Variants in SNX29 observed in about 807,000 individuals in gnomAD.
SNX29 encodes sorting nexin 29.
In SNX29, 78 loss-of-function variants were observed where a neutral mutation model predicts 102.1. The observed-to-expected ratio is 0.76, with a 90% CI of 0.64 to 0.92. The LOEUF is 0.92. Among genes scored for constraint, SNX29 ranks in the 40% least tolerant of loss-of-function variants. SNX29 has a pLI of 0.00. For missense variants in SNX29, 1,280 were observed against 1,061.7 expected (o/e 1.21, Z -2.86); for synonymous variants, 580 against 414.5 (o/e 1.40, Z -4.85).
intron 15 of SNX29, chr16:12,297,125 C>T (rs2080008697): frequency 6.6e-6 from 1 of 152,330 alleles, no homozygotes; most frequent in Admixed American, 6.5e-5. Context: ...AGAAAGAAGA[C>T]AGGGTTAGGG....
chr16:12,544,292 C>T (rs1280053796), intron 20 of SNX29, among the ~76,000 whole-genome samples: 1 of 152,186 alleles, frequency 6.6e-6, no homozygotes, highest in Non-Finnish European at 1.5e-5. Context: ...AGTACGGCAT[C>T]CAGGCCACAG....
Position 12,121,452 on chromosome 16 carries a change from C to T in SNX29, c.1403-5181C>T, listed in dbSNP as rs1254974645. Among the ~76,000 whole-genome samples, 5 of 152,372 alleles carry T rather than the reference C, an allele frequency of 3.3e-5. No individual in the cohort carries two copies. The East Asian group carries it at 5.8e-4, about 18-fold the overall frequency. On this transcript the variant is annotated intron_variant, in intron 11 of 20. Transcript: ENST00000566228. ...GCCATGCGGTCACTGCAGGTCGGCC[C>T]GCACTTCTCCCGCTGGCCCTTGGGT...
Position 12,003,000 on chromosome 16 carries a change from C to T in SNX29, c.79C>T (p.Arg27Cys), listed in dbSNP as rs764161883. The T allele has an allele frequency of 6.2e-6, 10 of 1,614,052 alleles. No individual in the cohort carries two copies. Among genetic ancestry groups the T allele is most frequent in the African/African-American group, 1.3e-5 (1 of 74,938 alleles). ...TTCTTTTTCTGTGCAGTGCCAGATC[C>T]GCTTTGGAGGGAGAAAGGAGATTGC... is the stretch of plus-strand genomic sequence containing the variant. Reference protein sequence around the residue: ...LLDAVKQCQIRFGGRKEIASD... With the variant: ...LLDAVKQCQICFGGRKEIASD... Residue 27 changes from arginine to cysteine, a missense_variant, in exon 3 of 21, where the codon CGC (arginine) becomes TGC (cysteine). Arg to Cys is a radical substitution (Grantham distance 180). Transcript: ENST00000566228.
chr16:12,194,997 GA>G (rs1444431659), intron 13 of SNX29, among the ~76,000 whole-genome samples: 1 of 152,108 alleles, frequency 6.6e-6, no homozygotes, highest in Admixed American at 6.5e-5. Context: ...AAAAATTAAA[GA>G]AAAATTTCCA....
chr16:12,442,982 G>T (rs1306016185), intron 18 of SNX29: 2 of 455,548 alleles, frequency 4.4e-6, no homozygotes, highest in East Asian at 7.0e-5. Flanking sequence ...CTTTTCTTTT[G>T]ATTTTTTTCC....
At chr16:12,299,183 T>G (rs1229908522) in intron 15 of SNX29, among the ~76,000 whole-genome samples, 6 of 151,832 alleles carry the variant, frequency 4.0e-5, no homozygotes, top group Non-Finnish European at 8.8e-5. Flanking sequence ...GCTTGTAATC[T>G]CAGCTACTGA....
intron 1 of SNX29, among the ~76,000 whole-genome samples, chr16:11,988,853 T>C (rs1333929641): frequency 2.0e-5 from 3 of 152,238 alleles, no homozygotes; most frequent in African/African-American, 7.2e-5. Flanking sequence ...CTGTTATCTA[T>C]GGTTGCTTTC....
chr16:12,070,714 A>G (rs1240150249), intron 10 of SNX29, among the ~76,000 whole-genome samples: 1 of 151,832 alleles, frequency 6.6e-6, no homozygotes, highest in Non-Finnish European at 1.5e-5. Flanking sequence ...GGCTGGGTCA[A>G]ATGGTATTTC....
chr16:12,136,457 C>G (rs1169416073), intron 13 of SNX29, among the ~76,000 whole-genome samples: 2 of 152,186 alleles, frequency 1.3e-5, no homozygotes, highest in Non-Finnish European at 1.5e-5. Flanking sequence ...AAACCCACAC[C>G]AAATTAGCTT....
intron 13 of SNX29, among the ~76,000 whole-genome samples, chr16:12,173,348 A>G (rs2076191495): frequency 6.6e-6 from 1 of 152,178 alleles, no homozygotes; most frequent in Non-Finnish European, 1.5e-5. Context: ...GTTGGGTGTG[A>G]CAAGAATGAC....
intron 19 of SNX29, among the ~76,000 whole-genome samples, chr16:12,506,759 C>T (rs994519371): frequency 1.3e-5 from 2 of 152,198 alleles, no homozygotes; most frequent in South Asian, 4.1e-4. Flanking sequence ...GTAAAGAAGA[C>T]AGCTGAGGAG....
chr16:12,536,760 G>T (rs1009616153), intron 20 of SNX29, among the ~76,000 whole-genome samples: 2 of 152,194 alleles, frequency 1.3e-5, no homozygotes, highest in African/African-American at 2.4e-5. Flanking sequence ...GGCGGATCAG[G>T]AGGCCAGGAG....
At chr16:12,275,316 G>T (rs1464642058) in intron 14 of SNX29, among the ~76,000 whole-genome samples, 1 of 152,030 alleles carries the variant, frequency 6.6e-6, no homozygotes, top group East Asian at 1.9e-4. Flanking sequence ...AAGAAGAATG[G>T]GAGAAACTCA....
intron 14 of SNX29, among the ~76,000 whole-genome samples, chr16:12,226,853 C>A (rs1400887632): frequency 1.3e-5 from 2 of 152,198 alleles, no homozygotes; most frequent in Non-Finnish European, 2.9e-5. Context: ...GCTGGGATTA[C>A]AGGCATGAGC....
chr16:12,035,732 G>A (rs2057455178), intron 4 of SNX29, among the ~76,000 whole-genome samples: 1 of 151,954 alleles, frequency 6.6e-6, no homozygotes, highest in Non-Finnish European at 1.5e-5. Context: ...CTTTGGCTTT[G>A]ATAGAACCCA....
In SNX29 at chr16:12,568,631, C is replaced by G. The variant is rs987610626; in HGVS notation, c.*2C>G. 3.7e-5 allele frequency: 59 copies of G among 1,602,238 alleles called. No individual in the cohort carries two copies. The highest frequency in any genetic ancestry group is 5.0e-5 in the Admixed American group (3 of 59,964). ...GAGCCCCAGAGCGGTGACCTCTGAC[C>G]TCGACAAAACCGCAGCCACGGGCCC... On this transcript the variant is annotated 3_prime_UTR_variant, in exon 21 of 21. Transcript: ENST00000566228.
In SNX29 at chr16:12,088,517, G is replaced by C. The variant is rs1175301670; in HGVS notation, c.1402+9602G>C. On this transcript the variant is annotated intron_variant, in intron 11 of 20. Transcript: ENST00000566228. The stretch of plus-strand genomic sequence containing the variant: ...GGGAGCGTAAGGACATTGTGGTCAT[G>C]CTATGTGAAAATGGCAGAGGAATGG... 2.0e-5 allele frequency among the ~76,000 whole-genome samples: 3 copies of C among 152,210 alleles called. No homozygotes were observed. The South Asian group carries it at 6.2e-4, about 32-fold the overall frequency.
intron 13 of SNX29, among the ~76,000 whole-genome samples, chr16:12,192,331 T>G (rs1014191343): frequency 6.6e-6 from 1 of 152,136 alleles, no homozygotes; most frequent in African/African-American, 2.4e-5. Flanking sequence ...CAGGCGAATA[T>G]TTGAATACTT....
intron 18 of SNX29, among the ~76,000 whole-genome samples, chr16:12,408,230 G>T (rs1376122806): frequency 2.0e-5 from 3 of 151,838 alleles, no homozygotes; most frequent in African/African-American, 7.3e-5. Flanking sequence ...AAAAGGCAAG[G>T]CCCAGCTCAA....
Sources: gnomAD v4.1 joint callset for allele counts (sites outside exome capture counted in the v4.1 genomes callset) on GRCh38, gnomAD v4.1.1 for gene constraint, MANE v1.5 for transcripts, NCBI Gene and HGNC (gene_info 2026-07-23, HGNC 2026-07-21) for gene names.